The following SPOCK1 variants were observed in gnomAD, a reference collection of about 807,000 sequenced individuals.
SPOCK1 encodes the protein testican-1.
A neutral mutation model predicts 55.3 loss-of-function variants in SPOCK1; 23 were observed. That is an observed-to-expected ratio of 0.42 (90% CI 0.30 to 0.59). The LOEUF (loss-of-function observed/expected upper bound fraction) is 0.59. Ranked by LOEUF, SPOCK1 falls within the 20% of genes least tolerant of loss-of-function variation. The pLI is 0.22. For missense variants in SPOCK1, 499 were observed against 552.5 expected (o/e 0.90, Z 0.97); for synonymous variants, 226 against 221.0 (o/e 1.02, Z -0.20).
chr5:137,338,984 T>C (rs1750354582), intron 2 of SPOCK1, among the ~76,000 whole-genome samples: 1 of 152,178 alleles, frequency 6.6e-6, no homozygotes, highest in Non-Finnish European at 1.5e-5. Context: ...AACTATAATA[T>C]TGCCACTGAC....
chr5:136,999,829 G>A (rs1751114717), intron 6 of SPOCK1, among the ~76,000 whole-genome samples: 1 of 152,154 alleles, frequency 6.6e-6, no homozygotes, highest in Non-Finnish European at 1.5e-5. Context: ...CACCCAATTG[G>A]GGATGTCCGA....
At chr5:137,073,430 A>G (rs550336898) in intron 5 of SPOCK1, among the ~76,000 whole-genome samples, 9 of 152,360 alleles carry the variant, frequency 5.9e-5, no homozygotes, top group South Asian at 2.1e-4. Context: ...ACAAAGGCCC[A>G]GGGTAGAAGA....
At chr5:137,210,756 C>G (rs368995134) in intron 3 of SPOCK1, among the ~76,000 whole-genome samples, 17 of 152,240 alleles carry the variant, frequency 1.1e-4, no homozygotes, top group African/African-American at 3.9e-4. Context: ...CAGTGCTCCA[C>G]TGCACAGCTC....
Position 137,377,682 on chromosome 5 carries a change from C to A in SPOCK1, c.187-110627G>T, listed in dbSNP as rs1237840943. 2.0e-5 allele frequency among the ~76,000 whole-genome samples: 3 copies of A among 152,050 alleles called. No individual in the cohort carries two copies. The South Asian group carries it at 6.2e-4, about 32-fold the overall frequency. On this transcript the variant is annotated intron_variant, in intron 2 of 10. Transcript: ENST00000394945. ...CAATTCAATAAGCTGACAGATAAAT[C>A]GTGGGAGGGGGCCACTTCTTATGCT...
At chr5:137,485,098 C>T (rs545954673) in intron 2 of SPOCK1, among the ~76,000 whole-genome samples, 7 of 152,286 alleles carry the variant, frequency 4.6e-5, no homozygotes, top group African/African-American at 1.7e-4. Flanking sequence ...ATTTATTTCA[C>T]TCTTCTGTAT....
chr5:137,376,616 C>T (rs926835042), intron 2 of SPOCK1, among the ~76,000 whole-genome samples: 2 of 152,180 alleles, frequency 1.3e-5, no homozygotes, highest in African/African-American at 4.8e-5. Context: ...GTAGAAGATT[C>T]TTTTTCATGA....
intron 6 of SPOCK1, among the ~76,000 whole-genome samples, chr5:136,997,585 T>C (rs1751069293): frequency 6.6e-6 from 1 of 152,182 alleles, no homozygotes. Context: ...ACCAAATCTC[T>C]CTTCTGTATC....
intron 3 of SPOCK1, among the ~76,000 whole-genome samples, chr5:137,191,735 G>A (rs1340629090): frequency 1.3e-5 from 2 of 152,124 alleles, no homozygotes; most frequent in African/African-American, 2.4e-5. Flanking sequence ...GACCTTCACT[G>A]CCTTTGGCCA....
chr5:137,076,765 A>G (rs541590419), intron 5 of SPOCK1, among the ~76,000 whole-genome samples: 1 of 152,200 alleles, frequency 6.6e-6, no homozygotes, highest in African/African-American at 2.4e-5. Context: ...TTGTTTATTT[A>G]TGGGATATAT....
chr5:136,988,620 T>A lies in SPOCK1; in HGVS notation c.730A>T (p.Ile244Phe). ...ATCCAGCCCAGGGAGTCCTTGCAGA[T>A]GGGCAGGATGCTAGTGTCAAACCCT... is the stretch of plus-strand genomic sequence containing the variant. Reference protein sequence around the residue: ...QGRFDTSILPICKDSLGWMFN... With the variant: ...QGRFDTSILPFCKDSLGWMFN... Residue 244 changes from isoleucine to phenylalanine, a missense_variant, in exon 8 of 11, where the codon ATC (isoleucine) becomes TTC (phenylalanine). This residue lies in a region of SPOCK1 where 386 missense variants were observed against 400.6 expected (regional missense o/e 0.96). Coordinates refer to ENST00000394945, the MANE Select transcript of SPOCK1 (RefSeq NM_004598.4). 2 of 1,613,476 alleles carry A rather than the reference T, an allele frequency of 1.2e-6. No individual in the cohort carries two copies. Among genetic ancestry groups the A allele is most frequent in the South Asian group, 2.2e-5 (2 of 90,960 alleles).
chr5:137,036,268 C>G (rs987031572), intron 6 of SPOCK1, among the ~76,000 whole-genome samples: 6 of 138,346 alleles, frequency 4.3e-5, no homozygotes, highest in Admixed American at 2.2e-4. Flanking sequence ...TCACATAGTT[C>G]TGGATTTCTC....
intron 4 of SPOCK1, among the ~76,000 whole-genome samples, chr5:137,116,561 A>C (rs1315189015): frequency 6.6e-6 from 1 of 151,940 alleles, no homozygotes; most frequent in Non-Finnish European, 1.5e-5. Context: ...CAGGAGAATC[A>C]CTTGAACACG....
chr5:137,252,788 C>A (rs1470966249), intron 3 of SPOCK1, among the ~76,000 whole-genome samples: 1 of 152,192 alleles, frequency 6.6e-6, no homozygotes, highest in Non-Finnish European at 1.5e-5. Context: ...CTTCAATTTT[C>A]AAACAACATG....
intron 2 of SPOCK1, among the ~76,000 whole-genome samples, chr5:137,492,339 G>C (rs1754199366): frequency 1.3e-5 from 2 of 152,180 alleles, no homozygotes; most frequent in African/African-American, 4.8e-5. Context: ...TGAAAACTAT[G>C]ATGATGCAGA....
At position 137,456,729 on chromosome 5, in the gene SPOCK1, A is replaced by G. The variant is rs577168695; in HGVS notation, c.186+41644T>C. 3.3e-5 allele frequency among the ~76,000 whole-genome samples: 5 copies of G among 152,360 alleles called. No homozygotes were observed. In the East Asian group the frequency reaches 9.6e-4, roughly 29 times the overall value. On this transcript the variant is annotated intron_variant, in intron 2 of 10. Transcript: ENST00000394945. Reference sequence around the variant, plus strand: ...ACCAGTAAAATGATTGTCTATAGGGACTATGACAGAAGTCTGTAATGGATA... The same window carrying G: ...ACCAGTAAAATGATTGTCTATAGGGGCTATGACAGAAGTCTGTAATGGATA...
At chr5:137,266,337 T>A (rs1319480702) in intron 3 of SPOCK1, among the ~76,000 whole-genome samples, 2 of 152,152 alleles carry the variant, frequency 1.3e-5, no homozygotes, top group Non-Finnish European at 2.9e-5. Context: ...GCACCACACA[T>A]GGAACAACGG....
intron 2 of SPOCK1, among the ~76,000 whole-genome samples, chr5:137,310,464 C>T (rs1436547924): frequency 2.0e-5 from 3 of 152,198 alleles, no homozygotes; most frequent in Admixed American, 6.5e-5. Flanking sequence ...GAGGAGACTA[C>T]AGTTGAAATA....
chr5:136,982,403 TTATTGTGATTACAGA>T lies in SPOCK1; in HGVS notation c.991+2722_991+2736del, dbSNP rs1300912432. On this transcript the variant is annotated intron_variant, in intron 9 of 10. Coordinates refer to ENST00000394945, the MANE Select transcript of SPOCK1 (RefSeq NM_004598.4). ...ATAAATGTGTTTGACCTGTTCACAT[TTATTGTGATTACAGA>T]TATTGTGATTACAGAAATGCTTACT... is the stretch of plus-strand genomic sequence containing the variant. 1.6e-4 allele frequency among the ~76,000 whole-genome samples: 24 copies of T among 152,332 alleles called. 1 individual carries two copies. In the East Asian group the frequency reaches 3.3e-3, roughly 21 times the overall value.
chr5:137,302,136 C>T (rs1185334890), intron 2 of SPOCK1, among the ~76,000 whole-genome samples: 2 of 152,014 alleles, frequency 1.3e-5, no homozygotes, highest in African/African-American at 4.8e-5. Flanking sequence ...AGAAACGAGA[C>T]GTTTTAGAAT....
Sources: allele counts gnomAD v4.1 joint callset (sites outside exome capture counted in the v4.1 genomes callset), GRCh38; gene constraint gnomAD v4.1.1; regional missense constraint gnomAD v4.1.1; transcripts MANE v1.5; gene names NCBI Gene and HGNC (gene_info 2026-07-23, HGNC 2026-07-21).